NRG1: variants seen among roughly 807,000 people sequenced by gnomAD.
NRG1 encodes pro-neuregulin-1, membrane-bound isoform.
NRG1 carries 18 observed loss-of-function variants against 63.8 expected under a neutral mutation model. The ratio of observed to expected loss-of-function variants is 0.28; its 90% CI spans 0.19 to 0.42. The LOEUF (loss-of-function observed/expected upper bound fraction) is 0.42, where lower values mean the gene tolerates loss of function less well. Among genes scored for constraint, NRG1 ranks in the 10% least tolerant of loss-of-function variants. The probability of loss-of-function intolerance (pLI) is 1.00; values close to 1 mark genes in which losing one functional copy is unlikely to be tolerated. For missense variants in NRG1, 762 were observed against 814.7 expected, an observed-to-expected ratio of 0.94 and a Z score of 0.79; for synonymous variants, 302 against 301.3, an observed-to-expected ratio of 1.00 and a Z score of -0.02.
chr8:31,793,616 A>G (rs1463593837), intron 1 of NRG1, among the ~76,000 whole-genome samples: 6 of 152,264 alleles, frequency 3.9e-5, no homozygotes, highest in Non-Finnish European at 8.8e-5. Flanking sequence ...TATTGCAAGC[A>G]ATCTAAATGA....
chr8:32,265,669 C>T (rs1850853296), intron 1 of NRG1, among the ~76,000 whole-genome samples: 1 of 152,066 alleles, frequency 6.6e-6, no homozygotes, highest in Admixed American at 6.6e-5. Context: ...TGGTGAGAAC[C>T]TGTGTCTACT....
At chr8:32,696,014 T>A (rs375066059) in intron 5 of NRG1, among the ~76,000 whole-genome samples, 1 of 152,190 alleles carries the variant, frequency 6.6e-6, no homozygotes, top group African/African-American at 2.4e-5. Context: ...AAGAATGCCT[T>A]GGCCTCCCTT....
At chr8:32,759,385 A>G in exon 10 of NRG1, 2 of 1,613,954 alleles carry the variant, frequency 1.2e-6, no homozygotes, top group Non-Finnish European at 1.7e-6. Flanking sequence ...ACCAGTCACT[A>G]TACTTCCACA....
At chr8:31,946,599 G>A (rs534709860) in intron 1 of NRG1, among the ~76,000 whole-genome samples, 2 of 53,308 alleles carry the variant, frequency 3.8e-5, no homozygotes, top group Non-Finnish European at 1.1e-4. Context: ...GTGATAAGAT[G>A]TGATGTATAT....
At chr8:32,336,322 C>T (rs1214149420) in intron 1 of NRG1, among the ~76,000 whole-genome samples, 4 of 152,142 alleles carry the variant, frequency 2.6e-5, no homozygotes, top group Non-Finnish European at 5.9e-5. Context: ...GAGTGAGATG[C>T]GGAAAACAGG....
At chr8:32,283,291 G>T (rs1853104863) in intron 1 of NRG1, among the ~76,000 whole-genome samples, 1 of 151,910 alleles carries the variant, frequency 6.6e-6, no homozygotes, top group Non-Finnish European at 1.5e-5. Flanking sequence ...AAACCTTTAG[G>T]AGACAAGTTT....
intron 1 of NRG1, among the ~76,000 whole-genome samples, chr8:31,908,762 A>G (rs896337409): frequency 2.1e-4 from 32 of 152,156 alleles, no homozygotes; most frequent in Admixed American, 1.8e-3. Flanking sequence ...TTTGTATTAC[A>G]TAATTTGTGT....
intron 1 of NRG1, among the ~76,000 whole-genome samples, chr8:32,192,442 A>G (rs2087091541): frequency 2.0e-5 from 3 of 152,192 alleles, no homozygotes; most frequent in African/African-American, 7.2e-5. Context: ...CTTTGCAGCA[A>G]CATGAATGTA....
intron 1 of NRG1, among the ~76,000 whole-genome samples, chr8:32,382,899 A>G (rs925579874): frequency 2.0e-5 from 3 of 152,070 alleles, no homozygotes; most frequent in South Asian, 2.1e-4. Context: ...TACTTTTTAT[A>G]TATTTAAAAT....
At chr8:32,062,391 A>G (rs938867746) in intron 1 of NRG1, among the ~76,000 whole-genome samples, 10 of 152,050 alleles carry the variant, frequency 6.6e-5, no homozygotes, top group Non-Finnish European at 1.5e-4. Flanking sequence ...TTCAGACGTC[A>G]GAGTTGGGGG....
intron 1 of NRG1, among the ~76,000 whole-genome samples, chr8:32,156,993 A>G (rs1838159456): frequency 6.6e-6 from 1 of 151,850 alleles, no homozygotes; most frequent in African/African-American, 2.4e-5. Flanking sequence ...CAACGCTAAC[A>G]TTGCCTCCAA....
chr8:31,943,827 T>C (rs1802127113), intron 1 of NRG1, among the ~76,000 whole-genome samples: 2 of 152,196 alleles, frequency 1.3e-5, no homozygotes, highest in South Asian at 4.1e-4. Flanking sequence ...ACAGGGAAGC[T>C]ACAAAGATTT....
At chr8:31,774,176 G>A (rs1313960739) in intron 1 of NRG1, among the ~76,000 whole-genome samples, 1 of 151,898 alleles carries the variant, frequency 6.6e-6, no homozygotes, top group South Asian at 2.1e-4. Flanking sequence ...ACTTTTCTTT[G>A]GATCTTCCTC....
At chr8:31,957,328 A>G (rs997754077) in intron 1 of NRG1, among the ~76,000 whole-genome samples, 1 of 152,134 alleles carries the variant, frequency 6.6e-6, no homozygotes, top group African/African-American at 2.4e-5. Flanking sequence ...TTACCTGTAC[A>G]TGCCACATTT....
intron 1 of NRG1, among the ~76,000 whole-genome samples, chr8:31,959,268 G>T (rs1023965455): frequency 5.9e-5 from 9 of 152,098 alleles, no homozygotes; most frequent in Non-Finnish European, 1.3e-4. Context: ...ATCTATTCTT[G>T]TCTCTATTTT....
intron 1 of NRG1, among the ~76,000 whole-genome samples, chr8:31,869,466 C>A (rs1019572057): frequency 6.6e-6 from 1 of 152,158 alleles, no homozygotes; most frequent in African/African-American, 2.4e-5. Flanking sequence ...TAGGAATGAA[C>A]CAGACATTGC....
At chr8:32,452,485 A>G (rs1180884122) in intron 1 of NRG1, among the ~76,000 whole-genome samples, 1 of 152,228 alleles carries the variant, frequency 6.6e-6, no homozygotes, top group Non-Finnish European at 1.5e-5. Context: ...GCCAAAGGAT[A>G]GTAAAAAGTA....
intron 1 of NRG1, among the ~76,000 whole-genome samples, chr8:32,371,630 A>C (rs1808872056): frequency 6.6e-6 from 1 of 152,182 alleles, no homozygotes; most frequent in Non-Finnish European, 1.5e-5. Flanking sequence ...AGAAACTTTG[A>C]GATTCCTTAA....
intron 1 of NRG1, among the ~76,000 whole-genome samples, chr8:32,539,836 T>G (rs964835144): frequency 3.3e-5 from 5 of 152,006 alleles, no homozygotes; most frequent in African/African-American, 1.2e-4. Flanking sequence ...GTCATGCCAC[T>G]GAGATTTTAC....
Sources: allele counts gnomAD v4.1 joint callset (sites outside exome capture counted in the v4.1 genomes callset), GRCh38; gene constraint gnomAD v4.1.1; transcripts MANE v1.5; gene names NCBI Gene and HGNC (gene_info 2026-07-23, HGNC 2026-07-21).